The following DTNBP1 variants were observed in gnomAD, a reference collection of about 807,000 sequenced individuals.
DTNBP1 encodes dystrobrevin binding protein 1.
Under a neutral mutation model 42.8 loss-of-function variants are expected in DTNBP1, and 35 were observed. The ratio of observed to expected loss-of-function variants is 0.82; its 90% CI spans 0.63 to 1.09. DTNBP1 has a LOEUF of 1.09. Among genes scored for constraint, DTNBP1 ranks in the 50% least tolerant of loss-of-function variants. The pLI, the probability that DTNBP1 is intolerant of heterozygous loss-of-function variation, is 0.00. For synonymous variants in DTNBP1, 171 were observed against 162.2 expected (o/e 1.05, Z -0.41); for missense variants, 457 against 424.2 (o/e 1.08, Z -0.68).
chr6:15,553,683 C>T (rs1319950111), intron 7 of DTNBP1, among the ~76,000 whole-genome samples: 1 of 141,502 alleles, frequency 7.1e-6, no homozygotes, highest in African/African-American at 2.6e-5. Flanking sequence ...GACCCAGAGC[C>T]TGAAAGCTAA....
intron 7 of DTNBP1, among the ~76,000 whole-genome samples, chr6:15,549,460 G>A (rs1774083370): frequency 6.8e-6 from 1 of 147,692 alleles, no homozygotes; most frequent in African/African-American, 2.5e-5. Flanking sequence ...ACTCCAGCCT[G>A]GGCAACAGAG....
At chr6:15,662,081 C>T (rs1463818505) in intron 1 of DTNBP1, among the ~76,000 whole-genome samples, 1 of 152,154 alleles carries the variant, frequency 6.6e-6, no homozygotes, top group Non-Finnish European at 1.5e-5. Context: ...GCACTCTGGT[C>T]AACAGGTAGG....
intron 7 of DTNBP1, among the ~76,000 whole-genome samples, chr6:15,556,855 G>A (rs1399975433): frequency 6.6e-6 from 1 of 151,956 alleles, no homozygotes; most frequent in Non-Finnish European, 1.5e-5. Flanking sequence ...CCTGCCCAGG[G>A]ACCACATGTT....
chr6:15,536,191 C>A (rs1482303848), intron 7 of DTNBP1, among the ~76,000 whole-genome samples: 1 of 152,168 alleles, frequency 6.6e-6, no homozygotes, highest in African/African-American at 2.4e-5. Flanking sequence ...AAAGAAAAAC[C>A]CATTTTCTGG....
chr6:15,653,729 A>G (rs923184149), intron 1 of DTNBP1, among the ~76,000 whole-genome samples: 2 of 152,246 alleles, frequency 1.3e-5, no homozygotes, highest in African/African-American at 2.4e-5. Context: ...ATTCTTCTCA[A>G]TCACTTCAAC....
At chr6:15,533,832 T>C (rs1233283075) in intron 7 of DTNBP1, among the ~76,000 whole-genome samples, 1 of 152,212 alleles carries the variant, frequency 6.6e-6, no homozygotes, top group East Asian at 1.9e-4. Context: ...TGCTAAGGAT[T>C]TGGAGTCCCT....
chr6:15,549,275 A>G (rs1216247123), intron 7 of DTNBP1, among the ~76,000 whole-genome samples: 2 of 152,058 alleles, frequency 1.3e-5, no homozygotes, highest in African/African-American at 4.8e-5. Context: ...TCACAAGGTC[A>G]GCAGTTCGAG....
intron 5 of DTNBP1, among the ~76,000 whole-genome samples, chr6:15,619,934 T>C (rs79299416): frequency 0.059 from 8,914 of 151,762 alleles, 407 homozygotes; most frequent in African/African-American, 0.12. Context: ...CTTTCTAATA[T>C]CCTAAATTTT....
At chr6:15,582,556 C>T (rs1308147752) in intron 7 of DTNBP1, among the ~76,000 whole-genome samples, 3 of 152,150 alleles carry the variant, frequency 2.0e-5, no homozygotes, top group Non-Finnish European at 4.4e-5. Flanking sequence ...TTCTGTGCCA[C>T]ATTAATTTTA....
chr6:15,656,419 G>A (rs1025355644), intron 1 of DTNBP1, among the ~76,000 whole-genome samples: 21 of 152,092 alleles, frequency 1.4e-4, no homozygotes, highest in African/African-American at 4.8e-4. Flanking sequence ...TAGCTCCAAC[G>A]ACTTCACCTT....
At chr6:15,627,522 C>G (rs773621492) in intron 4 of DTNBP1, 47 bp from the exon 5 acceptor site, 19 of 1,611,370 alleles carry the variant, frequency 1.2e-5, no homozygotes, top group Non-Finnish European at 1.3e-5. Flanking sequence ...GTTTTAGGCA[C>G]AAAGAAAGTA....
At chr6:15,651,144 T>C (rs992478071) in intron 3 of DTNBP1, among the ~76,000 whole-genome samples, 169 bp downstream of exon 3, 6 of 152,200 alleles carry the variant, frequency 3.9e-5, no homozygotes, top group African/African-American at 1.2e-4. Flanking sequence ...TTTGTACTAA[T>C]GAGTGAAAAG....
At chr6:15,550,458 T>G (rs1774149727) in intron 7 of DTNBP1, among the ~76,000 whole-genome samples, 1 of 152,192 alleles carries the variant, frequency 6.6e-6, no homozygotes, top group Non-Finnish European at 1.5e-5. Context: ...ATACAAAATA[T>G]TTATCCAAAG....
chr6:15,585,187 GT>G (rs1776025224), intron 7 of DTNBP1, among the ~76,000 whole-genome samples: 1 of 146,370 alleles, frequency 6.8e-6, no homozygotes, highest in Non-Finnish European at 1.5e-5. Flanking sequence ...AATCCATATA[GT>G]ACCATAGAAT....
chr6:15,580,610 GGAT>G (rs1221537144), intron 7 of DTNBP1, among the ~76,000 whole-genome samples: 6 of 152,178 alleles, frequency 3.9e-5, no homozygotes, highest in African/African-American at 1.4e-4. Context: ...TTCCAATTTT[GGAT>G]GATATGTCTA....
At chr6:15,639,535 CAT>C (rs1760217273) in intron 3 of DTNBP1, among the ~76,000 whole-genome samples, 1 of 152,162 alleles carries the variant, frequency 6.6e-6, no homozygotes. Context: ...CTAGAGTCCA[CAT>C]GTGATGAAAA....
chr6:15,551,238 T>C (rs1774194253), intron 7 of DTNBP1, among the ~76,000 whole-genome samples: 1 of 152,046 alleles, frequency 6.6e-6, no homozygotes, highest in Non-Finnish European at 1.5e-5. Flanking sequence ...CCTGAAGGTA[T>C]CAATGCCTTG....
At chr6:15,585,121 T>G (rs1776021855) in intron 7 of DTNBP1, among the ~76,000 whole-genome samples, 1 of 141,664 alleles carries the variant, frequency 7.1e-6, no homozygotes, top group African/African-American at 2.6e-5. Flanking sequence ...ATTCAACCTG[T>G]ATGAAGCATT....
intron 3 of DTNBP1, among the ~76,000 whole-genome samples, chr6:15,644,480 T>A (rs534509206): frequency 1.3e-5 from 2 of 152,288 alleles, no homozygotes; most frequent in East Asian, 1.9e-4. Flanking sequence ...AGAATATACA[T>A]TCTTCTCATC....
Sources: gnomAD v4.1 joint callset for allele counts (sites outside exome capture counted in the v4.1 genomes callset) on GRCh38, gnomAD v4.1.1 for gene constraint, MANE v1.5 for transcripts, NCBI Gene and HGNC (gene_info 2026-07-23, HGNC 2026-07-21) for gene names.